The following HERC6 variants were observed in gnomAD, a reference collection of about 807,000 sequenced individuals.
The protein encoded by HERC6 is probable E3 ubiquitin-protein ligase HERC6.
In HERC6, 101 loss-of-function variants were observed where a neutral mutation model predicts 114.5. The observed-to-expected ratio is 0.88, with a 90% CI of 0.75 to 1.04. HERC6 has a LOEUF of 1.04. Ranked by LOEUF, HERC6 falls within the 50% of genes least tolerant of loss-of-function variation. The pLI, the probability that HERC6 is intolerant of heterozygous loss-of-function variation, is 0.00. For synonymous variants in HERC6, 408 were observed against 436.2 expected (o/e 0.94, Z 0.81); for missense variants, 1,133 against 1,230.9 (o/e 0.92, Z 1.19).
chr4:88,437,623 G>A, intron 19 of HERC6, 88 bp from the exon 20 acceptor site: 1 of 817,802 alleles, frequency 1.2e-6, no homozygotes, highest in Non-Finnish European at 2.0e-6. Flanking sequence ...TTACATAGGG[G>A]AAAATGTATT....
chr4:88,388,040 G>A (rs1486992568), intron 3 of HERC6, among the ~76,000 whole-genome samples: 4 of 152,190 alleles, frequency 2.6e-5, no homozygotes, highest in Admixed American at 6.5e-5. Flanking sequence ...CTTTAGAAGA[G>A]TTAAAAAATA....
chr4:88,439,934 T>C lies in HERC6; in HGVS notation c.2616T>C (p.Tyr872=). ...TCAACGTCTCTGTAAAAGCAGTTTA[T>C]GAGGAATTTCAGAGAGGATTTTATA... The part of the protein sequence containing the change: ...YIFNVSVKAV[Y]EEFQRGFYRV... The change falls in exon 21 of 23, where the codon TAT becomes TAC. Residue 872 remains tyrosine (Y), a synonymous_variant. Coordinates refer to ENST00000264346, the MANE Select transcript of HERC6 (RefSeq NM_017912.4). The C allele has an allele frequency of 6.2e-7, 1 of 1,608,244 alleles. No individual in the cohort carries two copies. The highest frequency in any genetic ancestry group is 8.5e-7 in the Non-Finnish European group (1 of 1,177,314).
chr4:88,400,400 T>C (rs1168282084), intron 8 of HERC6, among the ~76,000 whole-genome samples: 3 of 152,172 alleles, frequency 2.0e-5, no homozygotes, highest in Non-Finnish European at 2.9e-5. Context: ...TTTCGCCATG[T>C]TGCTCAGGCT....
At chr4:88,422,910 G>T (rs1418731569) in intron 13 of HERC6, among the ~76,000 whole-genome samples, 1 of 152,016 alleles carries the variant, frequency 6.6e-6, no homozygotes, top group South Asian at 2.1e-4. Flanking sequence ...AACAGCCACA[G>T]GATTATTGAG....
Position 88,379,105 on chromosome 4 carries a change from CGCGGGGAGCTGCCAGGTGA to C in HERC6, c.191_199+10del, listed in dbSNP as rs1445932449. 2 of 1,542,444 alleles carry C rather than the reference CGCGGGGAGCTGCCAGGTGA, an allele frequency of 1.3e-6. No homozygotes were observed. The highest frequency in any genetic ancestry group is 2.7e-5 in the African/African-American group (2 of 72,896). ...TCAGCTGGGCCGCAGGGGCGCGCAG[CGCGGGGAGCTGCCAGGTGA>C]GCGGGGGGCCCCAGGTGCAGGGTGT... On this transcript the variant is annotated splice_donor_variant and splice_donor_region_variant and coding_sequence_variant and intron_variant, in exon 1 of 23. Transcript: ENST00000264346. LOFTEE classifies it high-confidence loss of function.
chr4:88,409,853 G>A (rs1431833351), intron 11 of HERC6, among the ~76,000 whole-genome samples: 2 of 152,116 alleles, frequency 1.3e-5, no homozygotes, highest in Admixed American at 6.5e-5. Flanking sequence ...GGTGGATGGG[G>A]TCACTGAAAA....
At chr4:88,386,602 CA>C (rs550819808) in intron 3 of HERC6, among the ~76,000 whole-genome samples, 2 of 151,724 alleles carry the variant, frequency 1.3e-5, no homozygotes, top group East Asian at 3.9e-4. Flanking sequence ...ACTGTTTTAA[CA>C]AAAAAAGGGA....
At chr4:88,421,865 T>C (rs1737102858) in intron 13 of HERC6, among the ~76,000 whole-genome samples, 1 of 152,246 alleles carries the variant, frequency 6.6e-6, no homozygotes. Context: ...TGGCTAATGA[T>C]GTTGAGCAGT....
At position 88,442,518 on chromosome 4, in the gene HERC6, TAC is replaced by T; in HGVS notation, c.*61_*62del. The stretch of plus-strand genomic sequence containing the variant: ...ACACTTGGATCCTTCTGTTCTTCCT[TAC>T]ACCTAAATAATACAAGAGATTAATG... On this transcript the variant is annotated 3_prime_UTR_variant, in exon 23 of 23. Transcript: ENST00000264346. 1 of 1,193,200 alleles carries T rather than the reference TAC, an allele frequency of 8.4e-7. No homozygotes were observed. The highest frequency in any genetic ancestry group is 1.2e-6 in the Non-Finnish European group (1 of 813,984). The allele number at this position is 1,193,200 out of a possible 1,614,324, so 73.9% of individuals were successfully genotyped here.
At chr4:88,398,380 G>A in intron 8 of HERC6, 171 bp downstream of exon 8, 2 of 428,220 alleles carry the variant, frequency 4.7e-6, no homozygotes, top group Non-Finnish European at 8.2e-6. Context: ...TTCCTTATTT[G>A]TCAACTTTCC....
At chr4:88,404,706 G>C (rs1037884121) in intron 8 of HERC6, among the ~76,000 whole-genome samples, 170 bp from the exon 9 acceptor site, 3 of 151,810 alleles carry the variant, frequency 2.0e-5, no homozygotes, top group Non-Finnish European at 4.4e-5. Context: ...AAGTGGCCCA[G>C]GCTAGGAGGT....
At chr4:88,379,212 G>T in intron 1 of HERC6, 92 bp downstream of exon 1, 1 of 1,089,080 alleles carries the variant, frequency 9.2e-7, no homozygotes, top group Non-Finnish European at 1.3e-6. Context: ...GGTGCGGAGC[G>T]CTGGGACCCG....
At chr4:88,386,271 T>C (rs1244152711) in intron 3 of HERC6, among the ~76,000 whole-genome samples, 3 of 151,176 alleles carry the variant, frequency 2.0e-5, no homozygotes, top group Non-Finnish European at 4.4e-5. Context: ...GGTGGCACGA[T>C]CTCAGCTCAC....
intron 7 of HERC6, 129 bp downstream of exon 7, chr4:88,397,116 A>G: frequency 5.4e-6 from 4 of 736,938 alleles, no homozygotes; most frequent in Non-Finnish European, 7.6e-6. Context: ...ATTTTTATTT[A>G]TTTATTTTTT....
Position 88,413,134 on chromosome 4 carries a change from C to T in HERC6, c.1426C>T (p.Gln476Ter). ...LRALPCHSPH[Q>*]EALSVFLLLP... ...AGCTCTTCCATGCCATTCTCCACAC[C>T]AAGAAGCTTTATCAGTTTTCCTCCT... The change falls in exon 12 of 23, where the codon CAA (glutamine) becomes TAA (stop). Residue 476 changes from glutamine (Q) to a stop codon, truncating the protein, a stop_gained. Coordinates refer to ENST00000264346, the MANE Select transcript of HERC6 (RefSeq NM_017912.4). LOFTEE classifies it high-confidence loss of function. 1 of 1,613,456 alleles carries T rather than the reference C, an allele frequency of 6.2e-7. No individual in the cohort carries two copies. Among genetic ancestry groups the T allele is most frequent in the Non-Finnish European group, 8.5e-7 (1 of 1,179,520 alleles).
intron 6 of HERC6, 36 bp from the exon 7 acceptor site, chr4:88,396,813 GCC>G: frequency 6.8e-7 from 1 of 1,469,396 alleles, no homozygotes; most frequent in Non-Finnish European, 9.1e-7. Flanking sequence ...AGCCATGAGT[GCC>G]TTAGTCTTCA....
Position 88,440,165 on chromosome 4 carries a change from AG to A in HERC6, c.2759del (p.Gly920AspfsTer19). On this transcript the variant is annotated frameshift_variant, in exon 22 of 23. Transcript: ENST00000264346. LOFTEE classifies it high-confidence loss of function. ...QFEQNSKYEQGYQKSHPTIQL... is the reference protein window; with the variant it reads ...QFEQNSKYEQXYQKSHPTIQL... ...CTCTCAAGAATTCAAAGTATGAGCA[AG>A]GATACCAAAAATCACATCCTACTAT... is the stretch of plus-strand genomic sequence containing the variant. 1 of 1,609,548 alleles carries A rather than the reference AG, an allele frequency of 6.2e-7. No homozygotes were observed. Among genetic ancestry groups the A allele is most frequent in the Non-Finnish European group, 8.5e-7 (1 of 1,177,168 alleles).
At chr4:88,431,431 GTACTCGTATGGTT>G in intron 17 of HERC6, 126 bp downstream of exon 17, 1 of 1,094,382 alleles carries the variant, frequency 9.1e-7, no homozygotes, top group Non-Finnish European at 1.3e-6. Context: ...ATTTTGAGTA[GTACTCGTATGGTT>G]CACAGAGCAG....
At chr4:88,400,899 C>T (rs1199228261) in intron 8 of HERC6, among the ~76,000 whole-genome samples, 1 of 151,984 alleles carries the variant, frequency 6.6e-6, no homozygotes, top group Non-Finnish European at 1.5e-5. Context: ...TGGTTTCAGG[C>T]ATCCACTGGG....
Sources: gnomAD v4.1 joint callset for allele counts (sites outside exome capture counted in the v4.1 genomes callset) on GRCh38, gnomAD v4.1.1 for gene constraint, MANE v1.5 for transcripts, NCBI Gene and HGNC (gene_info 2026-07-23, HGNC 2026-07-21) for gene names.